LOC400499: variants seen among roughly 807,000 people sequenced by gnomAD.
chr16:11,446,964 AG>A, the LOC400499 span: 24 of 1,499,518 alleles, frequency 1.6e-5, no homozygotes, highest in African/African-American at 2.8e-5. Context: ...TGGCAGTGCC[AG>A]GGGACAATTG....
chr16:11,479,566 C>A, the LOC400499 span, among the ~76,000 whole-genome samples: 1 of 151,828 alleles, frequency 6.6e-6, no homozygotes, highest in Non-Finnish European at 1.5e-5. Context: ...AAGGCTGTAG[C>A]GAGCTATGAT....
the LOC400499 span, among the ~76,000 whole-genome samples, chr16:11,433,669 C>T: frequency 6.6e-6 from 1 of 152,074 alleles, no homozygotes; most frequent in South Asian, 2.1e-4. Context: ...GAACTTTCAG[C>T]CCCACATCCC....
At chr16:11,470,456 C>G in the LOC400499 span, among the ~76,000 whole-genome samples, 2 of 152,166 alleles carry the variant, frequency 1.3e-5, no homozygotes, top group East Asian at 1.9e-4. Context: ...CTCGGCCTTT[C>G]CTAATTTCTC....
At chr16:11,424,388 G>T in the LOC400499 span, 1 of 399,306 alleles carries the variant, frequency 2.5e-6, no homozygotes, top group South Asian at 1.3e-4. Flanking sequence ...GAGCCCCAGA[G>T]ACCACTCACC....
At chr16:11,440,096 G>A in the LOC400499 span, among the ~76,000 whole-genome samples, 1 of 152,054 alleles carries the variant, frequency 6.6e-6, no homozygotes, top group Admixed American at 6.5e-5. Context: ...TAGATTGAAA[G>A]CTCCTCAGAG....
At chr16:11,450,270 C>T in the LOC400499 span, among the ~76,000 whole-genome samples, 4 of 152,366 alleles carry the variant, frequency 2.6e-5, no homozygotes, top group East Asian at 1.9e-4. Flanking sequence ...GGCATCAAAC[C>T]GACTTACGTC....
the LOC400499 span, chr16:11,491,702 C>G: frequency 2.5e-6 from 1 of 398,914 alleles, no homozygotes; most frequent in Middle Eastern, 6.3e-4. Flanking sequence ...ATGGCTCACC[C>G]TGGGTGGAGA....
At chr16:11,409,147 G>A in the LOC400499 span, among the ~76,000 whole-genome samples, 3 of 151,992 alleles carry the variant, frequency 2.0e-5, no homozygotes, top group Non-Finnish European at 2.9e-5. Context: ...TGTAATCCCA[G>A]CTACTCAGGA....
the LOC400499 span, chr16:11,399,861 G>A: frequency 3.8e-4 from 150 of 398,570 alleles, no homozygotes; most frequent in Non-Finnish European, 5.7e-4. Flanking sequence ...GGGACATGTA[G>A]GGGAGAGGAG....
chr16:11,525,292 C>CAAAAA, the LOC400499 span, among the ~76,000 whole-genome samples: 1 of 125,000 alleles, frequency 8.0e-6, no homozygotes, highest in Non-Finnish European at 1.7e-5. Flanking sequence ...GACCTTGTCC[C>CAAAAA]AAAAAAAAAA....
At chr16:11,432,760 G>A in the LOC400499 span, among the ~76,000 whole-genome samples, 1 of 152,182 alleles carries the variant, frequency 6.6e-6, no homozygotes, top group Non-Finnish European at 1.5e-5. Context: ...ATTTCGTGGT[G>A]CACAGCTGTG....
the LOC400499 span, among the ~76,000 whole-genome samples, chr16:11,400,813 T>C: frequency 6.6e-6 from 1 of 152,172 alleles, no homozygotes; most frequent in Non-Finnish European, 1.5e-5. Context: ...GCTTGAATTC[T>C]GGAGAGCGTC....
the LOC400499 span, chr16:11,461,256 C>A: frequency 9.3e-7 from 1 of 1,073,500 alleles, no homozygotes; most frequent in Non-Finnish European, 1.3e-6. Context: ...ACATGTGCAC[C>A]CTGCACAACA....
the LOC400499 span, among the ~76,000 whole-genome samples, chr16:11,374,201 A>G: frequency 2.0e-5 from 3 of 152,288 alleles, no homozygotes; most frequent in African/African-American, 7.2e-5. Context: ...TGTCTGTGCT[A>G]GCTTTTACTC....
At chr16:11,481,157 T>C in the LOC400499 span, among the ~76,000 whole-genome samples, 1 of 152,164 alleles carries the variant, frequency 6.6e-6, no homozygotes, top group Non-Finnish European at 1.5e-5. Context: ...GGTAAATCCA[T>C]AGAGACAGGA....
the LOC400499 span, chr16:11,417,820 T>C: frequency 1.3e-5 from 5 of 398,574 alleles, no homozygotes; most frequent in African/African-American, 2.1e-5. Flanking sequence ...GGAGCTGCCA[T>C]TGTGAATGTC....
the LOC400499 span, among the ~76,000 whole-genome samples, chr16:11,373,832 C>G: frequency 2.0e-5 from 3 of 152,070 alleles, no homozygotes; most frequent in African/African-American, 7.2e-5. Context: ...GTTGGTCATG[C>G]TGGTCTCAAA....
At chr16:11,396,713 G>A in the LOC400499 span, 5 of 1,230,332 alleles carry the variant, frequency 4.1e-6, no homozygotes, top group Non-Finnish European at 5.1e-6. Flanking sequence ...CAGGCACAGG[G>A]GTGGCAGCTT....
the LOC400499 span, among the ~76,000 whole-genome samples, chr16:11,403,873 C>T: frequency 6.6e-6 from 1 of 152,202 alleles, no homozygotes; most frequent in South Asian, 2.1e-4. Context: ...ACGCCCTGGC[C>T]CCTTCTCCCT....
Sources: gnomAD v4.1 joint callset for allele counts (sites outside exome capture counted in the v4.1 genomes callset) on GRCh38, gnomAD v4.1.1 for gene constraint, MANE v1.5 for transcripts.